Variants in HDAC4 observed in about 807,000 individuals in gnomAD.
The protein encoded by HDAC4 is histone deacetylase 4.
In HDAC4, 16 loss-of-function variants were observed where a neutral mutation model predicts 135.1. The observed-to-expected ratio is 0.12, with a 90% CI of 0.08 to 0.18. HDAC4 has a LOEUF of 0.18. HDAC4 is among the 10% of genes least tolerant of loss of function. The pLI is 1.00. For synonymous variants in HDAC4, 685 were observed against 653.4 expected (o/e 1.05, Z -0.74); for missense variants, 1,143 against 1,511.8 (o/e 0.76, Z 4.05).
chr2:239,055,306 G>A (rs961645048), intron 24 of HDAC4: 4 of 215,352 alleles, frequency 1.9e-5, no homozygotes, highest in Middle Eastern at 2.0e-3. Flanking sequence ...AGATCTCTCA[G>A]AGGGAATCCT....
chr2:239,310,482 G>A (rs549403404), intron 2 of HDAC4, among the ~76,000 whole-genome samples: 3 of 152,156 alleles, frequency 2.0e-5, no homozygotes, highest in East Asian at 1.9e-4. Flanking sequence ...TGATGTTCCC[G>A]GGGGGATGGC....
chr2:239,080,926 T>C, intron 22 of HDAC4, 169 bp downstream of exon 22: 1 of 601,098 alleles, frequency 1.7e-6, no homozygotes, highest in South Asian at 2.0e-5. Flanking sequence ...GTCGCCAAGA[T>C]TCCACGCTTG....
intron 2 of HDAC4, among the ~76,000 whole-genome samples, chr2:239,302,301 G>A (rs751368720): frequency 6.6e-5 from 10 of 152,178 alleles, no homozygotes; most frequent in Non-Finnish European, 1.5e-4. Context: ...TCTCGGGTGA[G>A]TTCATTTCAA....
rs2152607299 is a variant in HDAC4, at chr2:239,068,849, CACTT to C, written c.2751-246_2751-243del. ...CAGTGCAAGCCAGCAAGCCCCACGA[CACTT>C]GCTTGGTGAGAGGGAGTCACGGTGC... On this transcript the variant is annotated intron_variant, in intron 22 of 26. Transcript: ENST00000543185. The surrounding 1 kb of genome is among the most constrained non-coding windows in gnomAD (Gnocchi z 4.4). The C allele has an allele frequency of 1.8e-6, 1 of 548,146 alleles. No individual in the cohort carries two copies. Among genetic ancestry groups the C allele is most frequent in the Non-Finnish European group, 3.4e-6 (1 of 293,824 alleles). The allele number at this position is 548,146 out of a possible 1,614,324, so 34.0% of individuals were successfully genotyped here.
In HDAC4 at chr2:239,053,083, G is replaced by C. The variant is rs1356311664; in HGVS notation, c.*14C>G. The C allele has an allele frequency of 6.2e-7, 1 of 1,614,112 alleles. No homozygotes were observed. Among genetic ancestry groups the C allele is most frequent in the Non-Finnish European group, 8.5e-7 (1 of 1,179,900 alleles). On this transcript the variant is annotated 3_prime_UTR_variant, in exon 27 of 27. Transcript: ENST00000543185. The stretch of plus-strand genomic sequence containing the variant: ...GAGACAGACAGACAAGAGAACAGCA[G>C]CTTCGAGGGAGTGCTACAGGGGCGG...
At chr2:239,357,309 G>A (rs1026546608) in intron 1 of HDAC4, among the ~76,000 whole-genome samples, 3 of 151,990 alleles carry the variant, frequency 2.0e-5, no homozygotes, top group African/African-American at 4.8e-5. Flanking sequence ...ATTTTGAAAC[G>A]AATGAAAATA....
At position 239,299,940 on chromosome 2, in the gene HDAC4, G is replaced by A. The variant is rs2052152614; in HGVS notation, c.22+52738C>T. On this transcript the variant is annotated intron_variant, in intron 2 of 26. Coordinates refer to ENST00000543185, the MANE Select transcript of HDAC4 (RefSeq NM_001378414.1). The surrounding 1 kb of genome is among the most constrained non-coding windows in gnomAD (Gnocchi z 4.0). ...AGACAGGGGAGACAGAGAAGGAAGAGGGGTCCCATCAGAGGACTCCCTGCA... is the reference window on the plus strand; with the variant it reads ...AGACAGGGGAGACAGAGAAGGAAGAAGGGTCCCATCAGAGGACTCCCTGCA... Among the ~76,000 whole-genome samples, 1 of 152,200 alleles carries A rather than the reference G, an allele frequency of 6.6e-6. No homozygotes were observed. The highest frequency in any genetic ancestry group is 1.5e-5 in the Non-Finnish European group (1 of 68,044).
chr2:239,320,199 A>G (rs370393548), intron 2 of HDAC4, among the ~76,000 whole-genome samples: 2 of 152,076 alleles, frequency 1.3e-5, no homozygotes, highest in South Asian at 2.1e-4. Flanking sequence ...CCTGGCCAAC[A>G]TGGTGAAACC....
intron 12 of HDAC4, among the ~76,000 whole-genome samples, chr2:239,122,044 T>C (rs918791222): frequency 7.2e-5 from 11 of 152,238 alleles, no homozygotes; most frequent in Non-Finnish European, 1.6e-4. Context: ...ATATTTGGAA[T>C]AATTACATTT....
intron 16 of HDAC4, 90 bp downstream of exon 16, chr2:239,102,686 G>T: frequency 6.7e-7 from 1 of 1,490,126 alleles, no homozygotes; most frequent in Non-Finnish European, 9.3e-7. Flanking sequence ...GACACCCACA[G>T]GTGCCCCAGA....
At chr2:239,057,518 A>G (rs560076411) in intron 24 of HDAC4, among the ~76,000 whole-genome samples, 2 of 152,228 alleles carry the variant, frequency 1.3e-5, no homozygotes, top group Non-Finnish European at 2.9e-5. Flanking sequence ...GCTGCTAGAG[A>G]AAACAGAATC....
intron 2 of HDAC4, among the ~76,000 whole-genome samples, chr2:239,322,254 A>C (rs1291312973): frequency 6.6e-6 from 1 of 152,244 alleles, no homozygotes; most frequent in Non-Finnish European, 1.5e-5. Flanking sequence ...CTGTCTCCAG[A>C]TCCTATTCTA....
chr2:239,331,816 G>A lies in HDAC4; in HGVS notation c.22+20862C>T, dbSNP rs976909225. The stretch of plus-strand genomic sequence containing the variant: ...GGTGGAAAGAGGGCACACTCGGCCC[G>A]CGTGTCCTCCAGAGGCTGAGGAGCG... On this transcript the variant is annotated intron_variant, in intron 2 of 26. Coordinates refer to ENST00000543185, the MANE Select transcript of HDAC4 (RefSeq NM_001378414.1). This position sits in a 1 kb window ranked among gnomAD's most constrained non-coding sequence, Gnocchi z 4.5. Among the ~76,000 whole-genome samples, 7 of 152,156 alleles carry A rather than the reference G, an allele frequency of 4.6e-5. No individual in the cohort carries two copies. Among genetic ancestry groups the A allele is most frequent in the South Asian group, 2.1e-4 (1 of 4,820 alleles).
At chr2:239,271,182 C>T (rs1413557040) in intron 2 of HDAC4, among the ~76,000 whole-genome samples, 6 of 152,146 alleles carry the variant, frequency 3.9e-5, no homozygotes, top group Non-Finnish European at 8.8e-5. Context: ...GGTGTGATCA[C>T]GGCTCACTGC....
Position 239,394,707 on chromosome 2 carries a change from G to A in HDAC4, c.-220+6271C>T, listed in dbSNP as rs112300420. 2.3e-3 allele frequency among the ~76,000 whole-genome samples: 347 copies of A among 152,366 alleles called. 1 individual carries two copies. The highest frequency in any genetic ancestry group is 6.8e-3 in the Middle Eastern group (2 of 294). On this transcript the variant is annotated intron_variant, in intron 1 of 26. Coordinates refer to ENST00000543185, the MANE Select transcript of HDAC4 (RefSeq NM_001378414.1). ...ATTCCAGAGCACTGGCAAGAACCCC[G>A]CAGAGGGGCCAGGCCAGAGGTGGGG...
At chr2:239,099,991 C>T (rs920228225) in intron 16 of HDAC4, among the ~76,000 whole-genome samples, 7 of 152,262 alleles carry the variant, frequency 4.6e-5, no homozygotes, top group African/African-American at 9.6e-5. Flanking sequence ...GGCAGTTTGG[C>T]GGGACACAAA....
chr2:239,327,633 A>AGCCC (rs1385755875), intron 2 of HDAC4, among the ~76,000 whole-genome samples: 5 of 152,248 alleles, frequency 3.3e-5, no homozygotes, highest in African/African-American at 4.8e-5. Flanking sequence ...CCAGCCAGCC[A>AGCCC]GCCCAGACTT....
chr2:239,168,130 C>G (rs184366999), intron 5 of HDAC4, among the ~76,000 whole-genome samples: 25 of 152,352 alleles, frequency 1.6e-4, no homozygotes, highest in African/African-American at 4.6e-4. Flanking sequence ...CTGAGGAAGG[C>G]ACAACTTCAT....
At chr2:239,120,293 C>A (rs1378285457) in intron 12 of HDAC4, among the ~76,000 whole-genome samples, 2 of 152,070 alleles carry the variant, frequency 1.3e-5, no homozygotes, top group African/African-American at 4.8e-5. Flanking sequence ...GATGAGGCCT[C>A]AGGGACCAGT....
Sources: allele counts gnomAD v4.1 joint callset (sites outside exome capture counted in the v4.1 genomes callset), GRCh38; gene constraint gnomAD v4.1.1; non-coding constraint Gnocchi (gnomAD v3.1); transcripts MANE v1.5; gene names NCBI Gene and HGNC (gene_info 2026-07-23, HGNC 2026-07-21).